The following FMO4 variants were observed in gnomAD, a reference collection of about 807,000 sequenced individuals.
The protein encoded by FMO4 is flavin containing dimethylaniline monoxygenase 4, also known as dimethylaniline monooxygenase [N-oxide-forming] 4.
FMO4 carries 38 observed loss-of-function variants against 43.3 expected under a neutral mutation model. The observed-to-expected ratio is 0.88, with a 90% confidence interval of 0.68 to 1.15. FMO4 has a LOEUF of 1.15. Among genes scored for constraint, FMO4 ranks in the 50% most tolerant of loss-of-function variants. The pLI, the probability that FMO4 is intolerant of heterozygous loss-of-function variation, is 0.00. For synonymous variants in FMO4, 224 were observed against 232.2 expected (o/e 0.96, Z 0.32); for missense variants, 631 against 663.3 (o/e 0.95, Z 0.54).
intron 5 of FMO4, among the ~76,000 whole-genome samples, chr1:171,327,153 T>A (rs1662703732): frequency 6.6e-6 from 1 of 152,232 alleles, no homozygotes; most frequent in African/African-American, 2.4e-5. Context: ...CACTCTCTAA[T>A]GCGTTTGATG....
intron 5 of FMO4, among the ~76,000 whole-genome samples, chr1:171,328,525 C>T (rs34594635): frequency 6.6e-6 from 1 of 152,034 alleles, no homozygotes; most frequent in African/African-American, 2.4e-5. Context: ...TGGCACGCAC[C>T]TGTAATCCCA....
chr1:171,322,310 A>G (rs1297741986), intron 3 of FMO4, among the ~76,000 whole-genome samples: 2 of 152,200 alleles, frequency 1.3e-5, no homozygotes, highest in African/African-American at 2.4e-5. Flanking sequence ...GCAAAAAGGA[A>G]CATGTCCAGG....
chr1:171,320,091 A>G, intron 3 of FMO4, 134 bp downstream of exon 3: 2 of 910,532 alleles, frequency 2.2e-6, no homozygotes, highest in Non-Finnish European at 3.4e-6. Flanking sequence ...TGCATAATGC[A>G]GTGTTAAACA....
At position 171,334,422 on chromosome 1, in the gene FMO4, A is replaced by T. The variant is rs781125343; in HGVS notation, c.839A>T (p.Lys280Ile). ...GLSITKGKKA[K>I]FIVNDELPNC... ...CCTGTGTGTCAAAGGAAAAAAGCAA[A>T]ATTCATTGTGAATGATGAGCTGCCA... Residue 280 changes from lysine to isoleucine, a missense_variant, in exon 8 of 10, where the codon AAA becomes ATA. Lys to Ile is a moderately radical substitution (Grantham distance 102). Transcript: ENST00000367749. 7 of 1,569,102 alleles carry T rather than the reference A, an allele frequency of 4.5e-6. No homozygotes were observed. In the Admixed American group the frequency reaches 1.4e-4, roughly 32 times the overall value.
At chr1:171,319,763 G>A in intron 2 of FMO4, 55 bp from the exon 3 acceptor site, 1 of 1,544,414 alleles carries the variant, frequency 6.5e-7, no homozygotes. Context: ...TTTTGACAAG[G>A]GCTCCCTTCC....
rs1348230557 is a variant in FMO4 at position 171,323,156 on chromosome 1, T to C, written c.285T>C (p.Ala95=). The change falls in exon 4 of 10, where the codon GCT becomes GCC. Residue 95 remains alanine (A), a synonymous_variant. Coordinates refer to ENST00000367749, the MANE Select transcript of FMO4 (RefSeq NM_002022.3). ...EKFWDYLQEF[A]EHFDLLKYIQ... is the part of the protein sequence containing the mutation. Reference sequence around the variant, plus strand: ...TTTGGGACTATCTCCAAGAATTTGCTGAGCACTTTGACCTCCTGAAATACA... The same window carrying C: ...TTTGGGACTATCTCCAAGAATTTGCCGAGCACTTTGACCTCCTGAAATACA... 3.1e-6 allele frequency: 5 copies of C among 1,613,756 alleles called. No homozygotes were observed. Among genetic ancestry groups the C allele is most frequent in the Non-Finnish European group, 4.2e-6 (5 of 1,179,712 alleles).
In FMO4 at chr1:171,334,658, A is replaced by T. The variant is rs749983842; in HGVS notation, c.1075A>T (p.Asn359Tyr). Residue 359 changes from asparagine (N) to tyrosine (Y), a missense_variant, in exon 8 of 10, where the codon AAC (asparagine) becomes TAC (tyrosine). Coordinates refer to ENST00000367749, the MANE Select transcript of FMO4 (RefSeq NM_002022.3). ...IFLYKQVFPL[N>Y]LERATLAIIG... ...TCTATACAAGCAAGTCTTTCCCTTAAACCTAGAGAGAGCGACATTAGCCAT... is the reference window on the plus strand; with the variant it reads ...TCTATACAAGCAAGTCTTTCCCTTATACCTAGAGAGAGCGACATTAGCCAT... 2.9e-5 allele frequency: 46 copies of T among 1,613,786 alleles called. No homozygotes were observed. Among genetic ancestry groups the T allele is most frequent in the Non-Finnish European group, 4.2e-6 (5 of 1,179,852 alleles).
rs139835906 is a variant in FMO4 at position 171,318,963 on chromosome 1, C to A, written c.-8-855C>A. 4.3e-4 allele frequency among the ~76,000 whole-genome samples: 65 copies of A among 152,272 alleles called. 2 individuals are homozygous for A. The East Asian group carries it at 0.01, about 24-fold the overall frequency. On this transcript the variant is annotated intron_variant, in intron 2 of 9. Transcript: ENST00000367749. Reference sequence around the variant, plus strand: ...CAGGGCTAGTGCTTTTGGGCTCTGGCCCCACAGTAGGATCTAGAGGTGTCA... The same window carrying A: ...CAGGGCTAGTGCTTTTGGGCTCTGGACCCACAGTAGGATCTAGAGGTGTCA...
At chr1:171,318,804 A>C (rs1055563555) in intron 2 of FMO4, among the ~76,000 whole-genome samples, 10 of 152,162 alleles carry the variant, frequency 6.6e-5, no homozygotes, top group African/African-American at 2.4e-4. Flanking sequence ...AACCCTTTAA[A>C]GTCATTATTA....
rs1558040612 is a variant in FMO4 at position 171,331,671 on chromosome 1, T to C, written c.516T>C (p.His172=). 6 of 1,613,932 alleles carry C rather than the reference T, an allele frequency of 3.7e-6. No individual in the cohort carries two copies. Among genetic ancestry groups the C allele is most frequent in the Non-Finnish European group, 5.1e-6 (6 of 1,179,836 alleles). ...GIHKFKGQIL[H]SQEYKIPEGF... ...ATAAGTTTAAAGGTCAGATCCTGCA[T>C]AGTCAAGAGTACAAGATCCCAGAAG... Residue 172 remains histidine, a synonymous_variant, in exon 6 of 10, where the codon CAT becomes CAC. Coordinates refer to ENST00000367749, the MANE Select transcript of FMO4 (RefSeq NM_002022.3).
intron 2 of FMO4, among the ~76,000 whole-genome samples, chr1:171,318,741 A>G (rs1049185652): frequency 6.6e-6 from 1 of 152,204 alleles, no homozygotes; most frequent in Admixed American, 6.5e-5. Context: ...ACTATGTAGC[A>G]GGCACACTTC....
At chr1:171,316,028 T>G (rs1241768738) in intron 1 of FMO4, among the ~76,000 whole-genome samples, 158 bp from the exon 2 acceptor site, 1 of 152,184 alleles carries the variant, frequency 6.6e-6, no homozygotes, top group African/African-American at 2.4e-5. Flanking sequence ...GGGTCTTCAT[T>G]ATCTTCAGGG....
At chr1:171,327,713 G>A (rs1486043575) in intron 5 of FMO4, among the ~76,000 whole-genome samples, 1 of 152,110 alleles carries the variant, frequency 6.6e-6, no homozygotes, top group Non-Finnish European at 1.5e-5. Flanking sequence ...TCAAGAGTTC[G>A]AGAACAGCCT....
chr1:171,340,083 C>T lies in FMO4; in HGVS notation c.1251-1330C>T, dbSNP rs45447795. 8.0e-3 allele frequency among the ~76,000 whole-genome samples: 1,211 copies of T among 152,292 alleles called. 18 individuals are homozygous for T. Among genetic ancestry groups the T allele is most frequent in the African/African-American group, 0.028 (1,171 of 41,570 alleles). On this transcript the variant is annotated intron_variant, in intron 9 of 9. Transcript: ENST00000367749. ...GAGGCAGCAAGTCTTAACAAACCAA[C>T]ATCTTTGCAAAAAGCTAAACCTGGA...
chr1:171,341,118 T>C (rs1260885902), intron 9 of FMO4, among the ~76,000 whole-genome samples: 1 of 152,108 alleles, frequency 6.6e-6, no homozygotes, highest in Non-Finnish European at 1.5e-5. Context: ...CAACTGTAGG[T>C]TATTTAAAAT....
At chr1:171,325,545 A>G (rs1662620936) in intron 5 of FMO4, among the ~76,000 whole-genome samples, 1 of 152,282 alleles carries the variant, frequency 6.6e-6, no homozygotes, top group Non-Finnish European at 1.5e-5. Context: ...TATCCTACTC[A>G]AAAAGGAATG....
At chr1:171,324,793 T>C (rs1309593856) in intron 5 of FMO4, among the ~76,000 whole-genome samples, 2 of 151,984 alleles carry the variant, frequency 1.3e-5, no homozygotes, top group African/African-American at 4.8e-5. Flanking sequence ...AAAAAAGCAA[T>C]ATAGTCACCC....
At chr1:171,319,739 AC>A in intron 2 of FMO4, 78 bp from the exon 3 acceptor site, 1 of 1,323,414 alleles carries the variant, frequency 7.6e-7, no homozygotes, top group African/African-American at 1.5e-5. Flanking sequence ...ATATAGCACT[AC>A]AAAAATTGAG....
intron 9 of FMO4, among the ~76,000 whole-genome samples, chr1:171,340,701 G>A (rs1663338467): frequency 6.6e-6 from 1 of 152,038 alleles, no homozygotes; most frequent in Admixed American, 6.5e-5. Flanking sequence ...TGAAGGGCGA[G>A]TGAGTCTAAG....
Sources: gnomAD v4.1 joint callset for allele counts (sites outside exome capture counted in the v4.1 genomes callset) on GRCh38, gnomAD v4.1.1 for gene constraint, MANE v1.5 for transcripts, NCBI Gene and HGNC (gene_info 2026-07-23, HGNC 2026-07-21) for gene names.